The following LIMA1 variants were observed in gnomAD, a reference collection of about 807,000 sequenced individuals.
LIMA1 encodes the protein LIM domain and actin binding 1, also known as LIM domain and actin-binding protein 1.
Under a neutral mutation model 62.6 loss-of-function variants are expected in LIMA1, and 52 were observed. The observed-to-expected ratio is 0.83, with a 90% CI of 0.67 to 1.05. LIMA1 has a LOEUF of 1.05. Among genes scored for constraint, LIMA1 ranks in the 50% least tolerant of loss-of-function variants. LIMA1 has a pLI of 0.00. For missense variants in LIMA1, 780 were observed against 902.2 expected, an observed-to-expected ratio of 0.86 and a Z score of 1.74; for synonymous variants, 302 against 317.8, an observed-to-expected ratio of 0.95 and a Z score of 0.53.
At chr12:50,274,027 C>T (rs114239062) in intron 1 of LIMA1, among the ~76,000 whole-genome samples, 1 of 152,280 alleles carries the variant, frequency 6.6e-6, no homozygotes, top group African/African-American at 2.4e-5. Context: ...TCAGATGGAA[C>T]TTAATCCTGG....
chr12:50,243,588 G>A (rs1371501576), intron 2 of LIMA1, among the ~76,000 whole-genome samples: 1 of 152,132 alleles, frequency 6.6e-6, no homozygotes, highest in Non-Finnish European at 1.5e-5. Flanking sequence ...ATAAAACCTA[G>A]AACAGAAATC....
At chr12:50,226,546 GA>G (rs1471994065) in intron 3 of LIMA1, among the ~76,000 whole-genome samples, 4 of 151,844 alleles carry the variant, frequency 2.6e-5, no homozygotes, top group Non-Finnish European at 5.9e-5. Context: ...AAACAATAAT[GA>G]AAAAAAGATT....
chr12:50,197,357 A>C (rs1183810250), intron 7 of LIMA1, among the ~76,000 whole-genome samples: 2 of 150,476 alleles, frequency 1.3e-5, no homozygotes, highest in Non-Finnish European at 3.0e-5. Flanking sequence ...GGCGTGAGCC[A>C]CCTCGCCAGG....
intron 2 of LIMA1, 114 bp downstream of exon 2, chr12:50,248,519 A>G (rs1941882583): frequency 4.2e-6 from 3 of 714,810 alleles, no homozygotes; most frequent in Middle Eastern, 2.5e-4. Context: ...TTTAAAATCC[A>G]CGAGGCGCCC....
At chr12:50,203,292 G>T (rs1399988968) in intron 6 of LIMA1, among the ~76,000 whole-genome samples, 1 of 151,990 alleles carries the variant, frequency 6.6e-6, no homozygotes, top group Non-Finnish European at 1.5e-5. Context: ...TGGGATTACG[G>T]TGTGAGCTCC....
chr12:50,276,894 G>A (rs909315895), intron 1 of LIMA1, among the ~76,000 whole-genome samples: 3 of 151,698 alleles, frequency 2.0e-5, no homozygotes, highest in Non-Finnish European at 4.4e-5. Flanking sequence ...CTATAGATAA[G>A]TAATAATATA....
At chr12:50,245,360 C>A (rs1364776909) in intron 2 of LIMA1, among the ~76,000 whole-genome samples, 1 of 150,628 alleles carries the variant, frequency 6.6e-6, no homozygotes, top group Non-Finnish European at 1.5e-5. Context: ...CTGCAGTGAA[C>A]CATAATTGCA....
At chr12:50,255,558 A>G (rs571004521) in intron 1 of LIMA1, among the ~76,000 whole-genome samples, 1 of 151,242 alleles carries the variant, frequency 6.6e-6, no homozygotes, top group East Asian at 1.9e-4. Context: ...TCAAAAAAAA[A>G]AAAAGAAAAG....
At chr12:50,235,795 T>A (rs1042308130) in intron 2 of LIMA1, among the ~76,000 whole-genome samples, 3 of 152,098 alleles carry the variant, frequency 2.0e-5, no homozygotes, top group African/African-American at 7.2e-5. Flanking sequence ...AGACAAAAAA[T>A]TAATTTCCCT....
chr12:50,191,177 T>C (rs1195684368), intron 9 of LIMA1, among the ~76,000 whole-genome samples: 1 of 149,640 alleles, frequency 6.7e-6, no homozygotes, highest in Non-Finnish European at 1.5e-5. Flanking sequence ...GAAGCCATTA[T>C]CTTTAAGGTG....
intron 4 of LIMA1, chr12:50,218,057 A>G (rs1289928361): frequency 6.6e-6 from 1 of 152,448 alleles, no homozygotes; most frequent in African/African-American, 2.4e-5. Context: ...GGCGCCCGCC[A>G]CCACGCCCAA....
chr12:50,194,235 C>T (rs1427771625), intron 8 of LIMA1, among the ~76,000 whole-genome samples: 5 of 151,206 alleles, frequency 3.3e-5, no homozygotes, highest in East Asian at 1.9e-4. Context: ...GTGATCCACC[C>T]GCCTTGGCCT....
At chr12:50,210,504 C>G (rs190570388) in intron 4 of LIMA1, among the ~76,000 whole-genome samples, 47 of 151,646 alleles carry the variant, frequency 3.1e-4, no homozygotes, top group African/African-American at 9.9e-4. Context: ...TGCTTTCTGT[C>G]AAAGTTCAAG....
intron 9 of LIMA1, chr12:50,190,069 G>A (rs1270187148): frequency 7.6e-6 from 1 of 131,874 alleles, no homozygotes; most frequent in African/African-American, 2.9e-5. Context: ...ACAGGCTGGA[G>A]AGCAGTGGTG....
At chr12:50,259,255 C>A (rs934360258) in intron 1 of LIMA1, among the ~76,000 whole-genome samples, 1 of 152,130 alleles carries the variant, frequency 6.6e-6, no homozygotes, top group Admixed American at 6.5e-5. Context: ...TCCAAACTGC[C>A]CTAGCCCTAT....
Position 50,177,180 on chromosome 12 carries a change from G to A in LIMA1, c.2164C>T (p.Gln722Ter), listed in dbSNP as rs747530969. ...DNTFAEEFTT[Q>*]NQKSQDVELW... Reference sequence around the variant, plus strand: ...TCCACATCCTGGGATTTCTGATTCTGAGTAGTGAATTCTTCAGCAAAGGTG... The same window carrying A: ...TCCACATCCTGGGATTTCTGATTCTAAGTAGTGAATTCTTCAGCAAAGGTG... Residue 722 changes from glutamine to a stop codon, truncating the protein, a stop_gained, in exon 11 of 11, where the codon CAG becomes TAG. Transcript: ENST00000341247. LOFTEE classifies it high-confidence loss of function. The A allele has an allele frequency of 6.2e-7, 1 of 1,614,046 alleles. No homozygotes were observed. The highest frequency in any genetic ancestry group is 2.2e-5 in the East Asian group (1 of 44,882).
chr12:50,228,913 G>A (rs1284809262), intron 3 of LIMA1, among the ~76,000 whole-genome samples: 1 of 152,112 alleles, frequency 6.6e-6, no homozygotes, highest in African/African-American at 2.4e-5. Flanking sequence ...AATAGAGATG[G>A]GGTCTGCTAT....
intron 3 of LIMA1, among the ~76,000 whole-genome samples, chr12:50,223,672 T>G (rs548324342): frequency 6.6e-6 from 1 of 152,172 alleles, no homozygotes; most frequent in African/African-American, 2.4e-5. Context: ...AATTTATACA[T>G]GTAAGACAGA....
At chr12:50,281,874 C>G (rs1365438723) in intron 1 of LIMA1, among the ~76,000 whole-genome samples, 2 of 152,188 alleles carry the variant, frequency 1.3e-5, no homozygotes, top group African/African-American at 4.8e-5. Context: ...GGGCTGACCT[C>G]TAGTATAGAA....
Sources: allele counts gnomAD v4.1 joint callset (sites outside exome capture counted in the v4.1 genomes callset), GRCh38; gene constraint gnomAD v4.1.1; transcripts MANE v1.5; gene names NCBI Gene and HGNC (gene_info 2026-07-23, HGNC 2026-07-21).